ADAMTS17: variants seen among roughly 807,000 people sequenced by gnomAD.
ADAMTS17 encodes ADAM metallopeptidase with thrombospondin type 1 motif 17, also known as A disintegrin and metalloproteinase with thrombospondin motifs 17.
ADAMTS17 carries 113 observed loss-of-function variants against 141.5 expected under a neutral mutation model. That is an observed-to-expected ratio of 0.80 (90% CI 0.69 to 0.93). ADAMTS17 has a LOEUF of 0.93. Ranked by LOEUF, ADAMTS17 falls within the 40% of genes least tolerant of loss-of-function variation. ADAMTS17 has a pLI of 0.00. For synonymous variants in ADAMTS17, 768 were observed against 630.6 expected, an observed-to-expected ratio of 1.22 and a Z score of -3.27; for missense variants, 1,659 against 1,517.9, an observed-to-expected ratio of 1.09 and a Z score of -1.54.
intron 13 of ADAMTS17, among the ~76,000 whole-genome samples, chr15:100,114,863 T>A (rs2141135741): frequency 6.6e-6 from 1 of 152,260 alleles, no homozygotes; most frequent in South Asian, 2.1e-4. Flanking sequence ...CCAAAAGCGG[T>A]CAGAAGGAAA....
chr15:100,108,297 G>T (rs547974647), intron 14 of ADAMTS17, among the ~76,000 whole-genome samples: 1 of 151,828 alleles, frequency 6.6e-6, no homozygotes, highest in Non-Finnish European at 1.5e-5. Flanking sequence ...TCAGCCTCCC[G>T]AGTAGCTGGG....
chr15:100,180,306 C>T (rs542412203), intron 8 of ADAMTS17, among the ~76,000 whole-genome samples: 26 of 152,262 alleles, frequency 1.7e-4, no homozygotes, highest in Non-Finnish European at 3.4e-4. Flanking sequence ...TTGGCACCTT[C>T]GTCAAAAATG....
At chr15:100,207,242 G>A (rs2041609306) in intron 7 of ADAMTS17, among the ~76,000 whole-genome samples, 1 of 152,126 alleles carries the variant, frequency 6.6e-6, no homozygotes, top group Non-Finnish European at 1.5e-5. Flanking sequence ...AGCACAAGAG[G>A]GCAGGTGAGG....
intron 14 of ADAMTS17, among the ~76,000 whole-genome samples, chr15:100,102,354 T>C (rs1396203436): frequency 7.7e-6 from 1 of 130,256 alleles, no homozygotes; most frequent in African/African-American, 3.3e-5. Context: ...GATCTACATT[T>C]GAGGGCCAAC....
chr15:100,316,552 C>T (rs183514732), intron 3 of ADAMTS17, among the ~76,000 whole-genome samples: 4 of 152,154 alleles, frequency 2.6e-5, no homozygotes, highest in Non-Finnish European at 5.9e-5. Flanking sequence ...TTTCCTCTGC[C>T]CTGTCTCTCT....
At chr15:100,050,984 C>G (rs2032091571) in intron 17 of ADAMTS17, among the ~76,000 whole-genome samples, 1 of 152,260 alleles carries the variant, frequency 6.6e-6, no homozygotes, top group African/African-American at 2.4e-5. Context: ...GGCTCTTTGG[C>G]TCACCCTGTG....
chr15:100,210,664 A>G (rs963061713), intron 7 of ADAMTS17, among the ~76,000 whole-genome samples: 2 of 152,320 alleles, frequency 1.3e-5, no homozygotes, highest in East Asian at 3.9e-4. Context: ...AGTCACCAAC[A>G]ATTGAAAATT....
rs2060247199 is a variant in ADAMTS17, at chr15:99,973,167, ACC to A, written c.*1233_*1234del. The stretch of plus-strand genomic sequence containing the variant: ...CGTAAGGGGGCTGCAGGGGGGAAGG[ACC>A]TTCCTTCATCATGCATCATCCTTGC... On this transcript the variant is annotated 3_prime_UTR_variant, in exon 22 of 22. Coordinates refer to ENST00000268070, the MANE Select transcript of ADAMTS17 (RefSeq NM_139057.4). The A allele has an allele frequency of 6.6e-6, 1 of 151,246 alleles. No homozygotes were observed. The highest frequency in any genetic ancestry group is 1.5e-5 in the Non-Finnish European group (1 of 67,880). The allele number at this position is 151,246 out of a possible 1,614,324, so 9.4% of individuals were successfully genotyped here.
intron 2 of ADAMTS17, 52 bp downstream of exon 2, chr15:100,340,985 ACT>A (rs773532147): frequency 4.3e-6 from 6 of 1,399,650 alleles, no homozygotes; most frequent in Non-Finnish European, 5.7e-6. Flanking sequence ...CACGGCGACC[ACT>A]CTGCGTCGCA....
intron 8 of ADAMTS17, among the ~76,000 whole-genome samples, chr15:100,157,688 A>C (rs537247345): frequency 2.6e-5 from 4 of 152,200 alleles, no homozygotes; most frequent in Non-Finnish European, 5.9e-5. Flanking sequence ...TGCCAAAAAA[A>C]TACCGGACAA....
In ADAMTS17 at chr15:99,976,241, C is replaced by CTGAG. The variant is rs1567629830; in HGVS notation, c.2950-23_2950-20dup. ...ACGAGCACTGCAGAGACAGGACAGC[C>CTGAG]TGAGTGGGGCTGACATGAGGTCAAG... On this transcript the variant is annotated intron_variant, in intron 20 of 21. Transcript: ENST00000268070. 4 of 1,540,150 alleles carry CTGAG rather than the reference C, an allele frequency of 2.6e-6. No homozygotes were observed. Among genetic ancestry groups the CTGAG allele is most frequent in the Non-Finnish European group, 3.5e-6 (4 of 1,146,202 alleles).
intron 10 of ADAMTS17, 142 bp downstream of exon 10, chr15:100,152,470 G>A (rs1043544577): frequency 1.8e-6 from 2 of 1,083,904 alleles, no homozygotes; most frequent in East Asian, 2.5e-5. Context: ...ACGTGTGTGT[G>A]CATATACATG....
intron 3 of ADAMTS17, among the ~76,000 whole-genome samples, chr15:100,286,649 CA>C (rs140005920): frequency 0.026 from 3,888 of 151,748 alleles, 68 homozygotes; most frequent in Middle Eastern, 0.048. Context: ...CTAAGGGCAT[CA>C]AAAAAAACCC....
At chr15:100,330,037 G>A (rs934210141) in intron 3 of ADAMTS17, among the ~76,000 whole-genome samples, 5 of 152,264 alleles carry the variant, frequency 3.3e-5, no homozygotes, top group Admixed American at 2.0e-4. Context: ...GGGGTCCCAC[G>A]ATCTCCTGGG....
chr15:100,222,001 CCCAGTCAA>C (rs1236823274), intron 7 of ADAMTS17, among the ~76,000 whole-genome samples: 2 of 152,184 alleles, frequency 1.3e-5, no homozygotes, highest in African/African-American at 4.8e-5. Context: ...CAGTCTGTGA[CCCAGTCAA>C]CCAGGTGGAT....
chr15:100,269,979 T>A (rs2043848598), intron 4 of ADAMTS17, among the ~76,000 whole-genome samples: 1 of 152,216 alleles, frequency 6.6e-6, no homozygotes, highest in Non-Finnish European at 1.5e-5. Flanking sequence ...TGCATTGCTC[T>A]AGGGTTTACA....
chr15:100,189,661 G>A (rs146679674), intron 8 of ADAMTS17, among the ~76,000 whole-genome samples: 24 of 152,338 alleles, frequency 1.6e-4, no homozygotes, highest in Admixed American at 8.5e-4. Flanking sequence ...GTCAGCAGGC[G>A]TCTTGTCACT....
intron 7 of ADAMTS17, among the ~76,000 whole-genome samples, chr15:100,209,105 C>A (rs5026356): frequency 1.9e-5 from 2 of 106,348 alleles, no homozygotes; most frequent in African/African-American, 4.2e-5. Flanking sequence ...AAATATTTGC[C>A]AAGTTAGCAA....
intron 10 of ADAMTS17, among the ~76,000 whole-genome samples, chr15:100,139,707 A>G (rs1409648881): frequency 1.3e-5 from 2 of 152,216 alleles, no homozygotes; most frequent in African/African-American, 4.8e-5. Context: ...ATAACGCGGA[A>G]CCTCAATCTA....
Sources: gnomAD v4.1 joint callset for allele counts (sites outside exome capture counted in the v4.1 genomes callset) on GRCh38, gnomAD v4.1.1 for gene constraint, MANE v1.5 for transcripts, NCBI Gene and HGNC (gene_info 2026-07-23, HGNC 2026-07-21) for gene names.